The following HECW1 variants were observed in gnomAD, a reference collection of about 807,000 sequenced individuals.
HECW1 encodes the protein HECT, C2 and WW domain containing E3 ubiquitin protein ligase 1, also known as E3 ubiquitin-protein ligase HECW1.
A neutral mutation model predicts 182.3 loss-of-function variants in HECW1; 61 were observed. That is an observed-to-expected ratio of 0.33 (90% CI 0.27 to 0.41). The LOEUF (loss-of-function observed/expected upper bound fraction) is 0.41. Ranked by LOEUF, HECW1 falls within the 10% of genes least tolerant of loss-of-function variation. The pLI, the probability that HECW1 is intolerant of heterozygous loss-of-function variation, is 1.00. For synonymous variants in HECW1, 859 were observed against 832.6 expected, an observed-to-expected ratio of 1.03 and a Z score of -0.55; for missense variants, 1,739 against 2,108.9, an observed-to-expected ratio of 0.82 and a Z score of 3.44.
chr7:43,257,313 G>T (rs1205508045), intron 3 of HECW1, among the ~76,000 whole-genome samples: 1 of 152,172 alleles, frequency 6.6e-6, no homozygotes, highest in African/African-American at 2.4e-5. Context: ...CTAATATGTG[G>T]CAAGAAGGGG....
chr7:43,271,679 A>G (rs1328102100), intron 3 of HECW1, among the ~76,000 whole-genome samples: 2 of 152,230 alleles, frequency 1.3e-5, no homozygotes, highest in African/African-American at 4.8e-5. Context: ...ACTACAAAAC[A>G]CTGATAAAAT....
At chr7:43,157,772 GC>G (rs1440357042) in intron 2 of HECW1, among the ~76,000 whole-genome samples, 2 of 152,116 alleles carry the variant, frequency 1.3e-5, no homozygotes, top group African/African-American at 4.8e-5. Flanking sequence ...CATTGCCCAG[GC>G]CGGTCTTAAT....
At chr7:43,328,526 G>A (rs983427584) in intron 5 of HECW1, among the ~76,000 whole-genome samples, 4 of 152,182 alleles carry the variant, frequency 2.6e-5, no homozygotes, top group African/African-American at 4.8e-5. Flanking sequence ...AGACAATGGC[G>A]TGTGGCAGTG....
intron 24 of HECW1, among the ~76,000 whole-genome samples, chr7:43,527,542 C>T (rs907864774): frequency 6.6e-6 from 1 of 152,126 alleles, no homozygotes; most frequent in Non-Finnish European, 1.5e-5. Context: ...TTAGGGCCCA[C>T]CTGGATAATC....
chr7:43,138,132 G>A (rs957865062), intron 2 of HECW1, among the ~76,000 whole-genome samples: 1 of 152,122 alleles, frequency 6.6e-6, no homozygotes, highest in African/African-American at 2.4e-5. Flanking sequence ...TTCTCTAGCT[G>A]TAAAAGTCAG....
intron 8 of HECW1, among the ~76,000 whole-genome samples, chr7:43,408,831 A>G (rs1268915691): frequency 6.6e-6 from 1 of 152,200 alleles, no homozygotes; most frequent in Non-Finnish European, 1.5e-5. Context: ...AATGTAGGTT[A>G]AAAGTACAGT....
At chr7:43,345,302 C>G (rs765819918) in intron 5 of HECW1, among the ~76,000 whole-genome samples, 1 of 152,182 alleles carries the variant, frequency 6.6e-6, no homozygotes, top group Non-Finnish European at 1.5e-5. Flanking sequence ...AAAGCTAAAG[C>G]AGGGACATGG....
intron 5 of HECW1, among the ~76,000 whole-genome samples, chr7:43,323,420 C>A (rs1810373705): frequency 4.6e-5 from 7 of 151,970 alleles, no homozygotes; most frequent in Admixed American, 3.9e-4. Context: ...GTGGAAAAAC[C>A]CCATCTCTGC....
intron 21 of HECW1, among the ~76,000 whole-genome samples, chr7:43,503,265 C>T (rs2079440811): frequency 6.6e-6 from 1 of 152,174 alleles, no homozygotes; most frequent in Admixed American, 6.5e-5. Flanking sequence ...ACTTTTAGCA[C>T]TCATAGGATG....
chr7:43,405,318 A>G (rs533349046), intron 7 of HECW1, among the ~76,000 whole-genome samples: 24 of 152,240 alleles, frequency 1.6e-4, no homozygotes, highest in Middle Eastern at 3.4e-3. Flanking sequence ...AGGTTCAACA[A>G]TTTGCTAGGA....
chr7:43,425,999 A>G (rs1325357916), intron 8 of HECW1, among the ~76,000 whole-genome samples: 1 of 152,150 alleles, frequency 6.6e-6, no homozygotes, highest in African/African-American at 2.4e-5. Context: ...GATCCCCCTC[A>G]ACTTTTCTCT....
intron 25 of HECW1, 22 bp from the exon 26 acceptor site, chr7:43,541,847 C>A: frequency 7.0e-7 from 1 of 1,438,832 alleles, no homozygotes; most frequent in South Asian, 1.7e-5. Context: ...GGTAATTTGC[C>A]TTTCTCACTG....
intron 4 of HECW1, among the ~76,000 whole-genome samples, chr7:43,320,205 T>G (rs1042440889): frequency 2.0e-5 from 3 of 151,980 alleles, no homozygotes; most frequent in African/African-American, 7.3e-5. Context: ...CGAAGTGGAG[T>G]CCGTGAGAAC....
At chr7:43,430,794 A>ATTATTATTATTATTATTATTG (rs2076524768) in intron 8 of HECW1, among the ~76,000 whole-genome samples, 1 of 149,736 alleles carries the variant, frequency 6.7e-6, no homozygotes, top group East Asian at 2.0e-4. Context: ...TATTATTATT[A>ATTATTATTATTATTATTATTG]TTATTGAGAT....
intron 8 of HECW1, among the ~76,000 whole-genome samples, chr7:43,418,671 T>A (rs1035999873): frequency 6.6e-6 from 1 of 152,242 alleles, no homozygotes; most frequent in African/African-American, 2.4e-5. Context: ...TTTTTTTTAA[T>A]GTGCTTTATT....
At chr7:43,265,733 C>CA (rs1801708311) in intron 3 of HECW1, among the ~76,000 whole-genome samples, 1 of 152,188 alleles carries the variant, frequency 6.6e-6, no homozygotes, top group African/African-American at 2.4e-5. Flanking sequence ...GGCACATTCT[C>CA]ACAAGGCTGC....
chr7:43,184,982 T>C (rs540310200), intron 2 of HECW1, among the ~76,000 whole-genome samples: 1 of 152,196 alleles, frequency 6.6e-6, no homozygotes, highest in East Asian at 1.9e-4. Flanking sequence ...AGCATGGTGT[T>C]GAACCATTAG....
chr7:43,132,085 A>G (rs1786993156), intron 2 of HECW1, among the ~76,000 whole-genome samples: 2 of 152,206 alleles, frequency 1.3e-5, no homozygotes, highest in South Asian at 4.1e-4. Flanking sequence ...TCTGACTCTT[A>G]GTGAAAGGAT....
intron 2 of HECW1, among the ~76,000 whole-genome samples, chr7:43,155,821 C>T (rs937670776): frequency 1.3e-5 from 2 of 152,182 alleles, no homozygotes; most frequent in Non-Finnish European, 2.9e-5. Context: ...AGAGGTCCTG[C>T]CACCTTCCCA....
Sources: gnomAD v4.1 joint callset for allele counts (sites outside exome capture counted in the v4.1 genomes callset) on GRCh38, gnomAD v4.1.1 for gene constraint, MANE v1.5 for transcripts, NCBI Gene and HGNC (gene_info 2026-07-23, HGNC 2026-07-21) for gene names.